Variants in ZSWIM6 observed in about 807,000 individuals in gnomAD.
The protein encoded by ZSWIM6 is zinc finger SWIM-type containing 6.
Under a neutral mutation model 113.2 loss-of-function variants are expected in ZSWIM6, and 9 were observed. The observed-to-expected ratio is 0.08, with a 90% confidence interval of 0.05 to 0.14. ZSWIM6 has a LOEUF of 0.14. Among genes scored for constraint, ZSWIM6 ranks in the 10% least tolerant of loss-of-function variants. The pLI, the probability that ZSWIM6 is intolerant of heterozygous loss-of-function variation, is 1.00. For synonymous variants in ZSWIM6, 611 were observed against 606.5 expected (o/e 1.01, Z -0.11); for missense variants, 1,162 against 1,552.2 (o/e 0.75, Z 4.22).
intron 1 of ZSWIM6, among the ~76,000 whole-genome samples, chr5:61,420,197 T>C (rs1161294536): frequency 6.6e-6 from 1 of 152,232 alleles, no homozygotes; most frequent in African/African-American, 2.4e-5. Context: ...AATTAATTGA[T>C]AAAGAATGAA....
chr5:61,368,564 T>C (rs1009352439), intron 1 of ZSWIM6, among the ~76,000 whole-genome samples: 1 of 152,238 alleles, frequency 6.6e-6, no homozygotes, highest in African/African-American at 2.4e-5. Context: ...ATAAATTCTT[T>C]TAAAATAACG....
chr5:61,530,259 T>C (rs1404203429), intron 8 of ZSWIM6, 61 bp downstream of exon 8: 20 of 1,442,790 alleles, frequency 1.4e-5, no homozygotes, highest in Non-Finnish European at 1.9e-5. Flanking sequence ...ATGGCAGTAG[T>C]CATTGTTTTT....
intron 1 of ZSWIM6, among the ~76,000 whole-genome samples, chr5:61,399,451 A>G (rs1439639249): frequency 6.6e-6 from 1 of 152,132 alleles, no homozygotes; most frequent in Non-Finnish European, 1.5e-5. Context: ...AAGTGAAAAC[A>G]TAAGACCTTC....
intron 2 of ZSWIM6, among the ~76,000 whole-genome samples, chr5:61,475,808 T>C (rs1430281691): frequency 1.3e-5 from 2 of 152,188 alleles, no homozygotes; most frequent in African/African-American, 4.8e-5. Flanking sequence ...TAAAAATGTT[T>C]TGCAGTTACT....
chr5:61,532,804 C>T (rs985375967), intron 9 of ZSWIM6, among the ~76,000 whole-genome samples: 2 of 152,050 alleles, frequency 1.3e-5, no homozygotes, highest in Non-Finnish European at 2.9e-5. Flanking sequence ...ATAAAAAGCC[C>T]ATCTTGACAC....
chr5:61,526,558 A>T (rs1398050908), intron 7 of ZSWIM6, among the ~76,000 whole-genome samples, 162 bp downstream of exon 7: 3 of 151,130 alleles, frequency 2.0e-5, no homozygotes, highest in African/African-American at 7.3e-5. Flanking sequence ...AATTTGGGGC[A>T]TCTTTTTCTT....
intron 1 of ZSWIM6, among the ~76,000 whole-genome samples, chr5:61,333,847 G>T (rs1256086040): frequency 6.6e-6 from 1 of 151,914 alleles, no homozygotes; most frequent in Non-Finnish European, 1.5e-5. Flanking sequence ...TGGTCAGGTC[G>T]TGGTGCCCCG....
At chr5:61,374,791 A>G (rs999757208) in intron 1 of ZSWIM6, among the ~76,000 whole-genome samples, 1 of 151,968 alleles carries the variant, frequency 6.6e-6, no homozygotes, top group Non-Finnish European at 1.5e-5. Flanking sequence ...TCCTGACCTC[A>G]TGATCCGCCC....
At chr5:61,493,825 C>G (rs563354275) in intron 3 of ZSWIM6, among the ~76,000 whole-genome samples, 1 of 152,068 alleles carries the variant, frequency 6.6e-6, no homozygotes, top group South Asian at 2.1e-4. Context: ...TCTTGAATCA[C>G]AAAGTGTACT....
chr5:61,349,785 T>G (rs910386166), intron 1 of ZSWIM6, among the ~76,000 whole-genome samples: 10 of 152,222 alleles, frequency 6.6e-5, no homozygotes, highest in Non-Finnish European at 4.4e-5. Context: ...AATTTTGAAT[T>G]ATAAATGCCT....
intron 2 of ZSWIM6, among the ~76,000 whole-genome samples, chr5:61,475,394 A>G (rs751671406): frequency 1.3e-5 from 2 of 152,358 alleles, no homozygotes; most frequent in Admixed American, 1.3e-4. Context: ...AATGGAACCA[A>G]TGAAACAATG....
At position 61,390,291 on chromosome 5, in the gene ZSWIM6, T is replaced by C. The variant is rs926643958; in HGVS notation, c.676+57343T>C. The stretch of plus-strand genomic sequence containing the variant: ...GTTGCTGTAATTAACCCATACTTTT[T>C]AATCCTCTTGTGCCTTTTATAAGGA... On this transcript the variant is annotated intron_variant, in intron 1 of 13. Coordinates refer to ENST00000252744, the MANE Select transcript of ZSWIM6 (RefSeq NM_020928.2). Among the ~76,000 whole-genome samples, 15 of 152,382 alleles carry C rather than the reference T, an allele frequency of 9.8e-5. 1 individual carries two copies. The South Asian group carries it at 2.7e-3, about 27-fold the overall frequency.
At chr5:61,386,616 C>T (rs1745596820) in intron 1 of ZSWIM6, among the ~76,000 whole-genome samples, 2 of 152,126 alleles carry the variant, frequency 1.3e-5, no homozygotes, top group Non-Finnish European at 1.5e-5. Flanking sequence ...GCTGAGCTGG[C>T]ATTTGTACAG....
chr5:61,490,964 C>A, intron 3 of ZSWIM6, 30 bp downstream of exon 3: 1 of 1,502,030 alleles, frequency 6.7e-7, no homozygotes, highest in Non-Finnish European at 8.9e-7. Context: ...AAGAAATATT[C>A]TAAATATATA....
At chr5:61,448,998 T>C (rs530244389) in intron 1 of ZSWIM6, among the ~76,000 whole-genome samples, 18 of 152,346 alleles carry the variant, frequency 1.2e-4, no homozygotes, top group African/African-American at 3.6e-4. Flanking sequence ...CTGGTAGTCC[T>C]TGTAACCAAA....
chr5:61,523,600 G>C (rs1206630893), intron 5 of ZSWIM6, among the ~76,000 whole-genome samples: 1 of 152,032 alleles, frequency 6.6e-6, no homozygotes, highest in East Asian at 1.9e-4. Flanking sequence ...AATTGCTCAA[G>C]ATAATTATTT....
chr5:61,362,348 G>A (rs540304089), intron 1 of ZSWIM6, among the ~76,000 whole-genome samples: 2 of 152,048 alleles, frequency 1.3e-5, no homozygotes, highest in Non-Finnish European at 1.5e-5. Context: ...ACGGGTGTGC[G>A]CCACCATGCT....
At chr5:61,536,709 A>T (rs868019482) in intron 10 of ZSWIM6, among the ~76,000 whole-genome samples, 17 of 152,156 alleles carry the variant, frequency 1.1e-4, no homozygotes, top group Admixed American at 7.2e-4. Flanking sequence ...AGTGATAAGG[A>T]TGTGTGTATG....
chr5:61,470,235 G>A (rs958863122), intron 1 of ZSWIM6, among the ~76,000 whole-genome samples: 6 of 152,116 alleles, frequency 3.9e-5, no homozygotes, highest in Non-Finnish European at 8.8e-5. Flanking sequence ...GTGTTAAGTG[G>A]GAAGAGACTG....
Sources: allele counts gnomAD v4.1 joint callset (sites outside exome capture counted in the v4.1 genomes callset), GRCh38; gene constraint gnomAD v4.1.1; transcripts MANE v1.5; gene names NCBI Gene and HGNC (gene_info 2026-07-23, HGNC 2026-07-21).